Variants in CDH23 observed in about 807,000 individuals in gnomAD.
CDH23 encodes cadherin related 23.
A neutral mutation model predicts 317.1 loss-of-function variants in CDH23; 189 were observed. The observed-to-expected ratio is 0.60, with a 90% CI of 0.53 to 0.67. CDH23 has a LOEUF of 0.67. Among genes scored for constraint, CDH23 ranks in the 30% least tolerant of loss-of-function variants. The pLI is 0.00. For missense variants in CDH23, 4,401 were observed against 4,592.4 expected, an observed-to-expected ratio of 0.96 and a Z score of 1.20; for synonymous variants, 1,839 against 1,876.8, an observed-to-expected ratio of 0.98 and a Z score of 0.52.
chr10:71,601,688 T>C (rs1860227429), intron 9 of CDH23, among the ~76,000 whole-genome samples: 1 of 152,232 alleles, frequency 6.6e-6, no homozygotes, highest in African/African-American at 2.4e-5. Flanking sequence ...CCCCGTCATC[T>C]GCTTCAGCCA....
Position 71,510,345 on chromosome 10 carries a change from G to A in CDH23, c.288+121G>A, listed in dbSNP as rs188438304. 3.8e-4 allele frequency: 420 copies of A among 1,094,734 alleles called. 3 individuals are homozygous for A. The East Asian group carries it at 7.2e-3, about 19-fold the overall frequency. The allele number at this position is 1,094,734 out of a possible 1,614,324, so 67.8% of individuals were successfully genotyped here. ...AAGACCCCATTCTGACTCCACAGTG[G>A]CATCTTCCTGCCTGAATGGTATTCC... On this transcript the variant is annotated intron_variant, in intron 4 of 69. Coordinates refer to ENST00000224721, the MANE Select transcript of CDH23 (RefSeq NM_022124.6).
intron 9 of CDH23, among the ~76,000 whole-genome samples, chr10:71,579,517 C>T (rs946846805): frequency 1.3e-5 from 2 of 152,170 alleles, no homozygotes; most frequent in Admixed American, 6.5e-5. Context: ...GCCCAAGAAT[C>T]TCCCGGGGCT....
chr10:71,682,626 C>T (rs1864703006), intron 18 of CDH23, 54 bp downstream of exon 18: 5 of 1,598,550 alleles, frequency 3.1e-6, no homozygotes, highest in Non-Finnish European at 4.3e-6. Context: ...ATGGTGAGTG[C>T]TTCCTGTGAA....
intron 2 of CDH23, among the ~76,000 whole-genome samples, chr10:71,441,053 C>T (rs1372526011): frequency 1.3e-5 from 2 of 152,110 alleles, no homozygotes; most frequent in Non-Finnish European, 2.9e-5. Context: ...CACTCCCATC[C>T]AGGCAGCCCA....
chr10:71,615,330 C>T (rs1351853490), intron 9 of CDH23, among the ~76,000 whole-genome samples, 174 bp from the exon 10 acceptor site: 1 of 152,204 alleles, frequency 6.6e-6, no homozygotes, highest in Non-Finnish European at 1.5e-5. Flanking sequence ...GCCGGCTGCT[C>T]CATGGACTCC....
chr10:71,519,640 CCT>C (rs1022650961), intron 6 of CDH23, among the ~76,000 whole-genome samples: 1 of 152,220 alleles, frequency 6.6e-6, no homozygotes, highest in African/African-American at 2.4e-5. Flanking sequence ...AAGGTGTTAG[CCT>C]CTCTGAGCCT....
intron 8 of CDH23, among the ~76,000 whole-genome samples, chr10:71,575,686 G>T (rs1285795349): frequency 1.3e-5 from 2 of 152,236 alleles, no homozygotes; most frequent in Non-Finnish European, 2.9e-5. Flanking sequence ...GAGAAGCACA[G>T]CAGGCAGCGT....
At chr10:71,480,551 T>G (rs1360558852) in intron 3 of CDH23, among the ~76,000 whole-genome samples, 1 of 152,128 alleles carries the variant, frequency 6.6e-6, no homozygotes, top group African/African-American at 2.4e-5. Context: ...AGGGACAACT[T>G]GGATGTGAGG....
intron 38 of CDH23, chr10:71,761,889 G>A (rs370678491): frequency 9.9e-6 from 16 of 1,613,972 alleles, no homozygotes; most frequent in Admixed American, 3.3e-5. Context: ...CTCGAGCTGC[G>A]GTACCACGTC....
chr10:71,445,581 G>A (rs903441751), intron 2 of CDH23, among the ~76,000 whole-genome samples: 1 of 152,242 alleles, frequency 6.6e-6, no homozygotes, highest in Non-Finnish European at 1.5e-5. Context: ...GCTCACGCCT[G>A]TAATCTCAGC....
intron 6 of CDH23, among the ~76,000 whole-genome samples, chr10:71,525,594 T>A (rs569277700): frequency 6.6e-6 from 1 of 151,792 alleles, no homozygotes; most frequent in African/African-American, 2.4e-5. Context: ...AGTGGTAGAG[T>A]CCAGGAACCC....
chr10:71,601,455 C>T (rs1860211605), intron 9 of CDH23, among the ~76,000 whole-genome samples: 1 of 152,286 alleles, frequency 6.6e-6, no homozygotes, highest in East Asian at 1.9e-4. Flanking sequence ...AACGCAAGCC[C>T]AGAGAGGGTA....
chr10:71,468,040 G>A (rs750000214), intron 3 of CDH23, among the ~76,000 whole-genome samples: 14 of 152,080 alleles, frequency 9.2e-5, no homozygotes, highest in Admixed American at 2.6e-4. Context: ...GAGGAATTGC[G>A]GGCGAAACAA....
chr10:71,671,255 A>G (rs1042660905), intron 14 of CDH23, among the ~76,000 whole-genome samples: 14 of 152,142 alleles, frequency 9.2e-5, no homozygotes, highest in African/African-American at 3.1e-4. Flanking sequence ...GTGAGCCACC[A>G]TGCCTGGCCT....
chr10:71,738,871 G>A (rs965404313), intron 35 of CDH23, among the ~76,000 whole-genome samples: 4 of 152,262 alleles, frequency 2.6e-5, no homozygotes, highest in African/African-American at 9.6e-5. Flanking sequence ...GGAGCCCGAA[G>A]GCCAGCCAAG....
At chr10:71,539,218 C>T (rs985760363) in intron 6 of CDH23, among the ~76,000 whole-genome samples, 1 of 152,292 alleles carries the variant, frequency 6.6e-6, no homozygotes, top group South Asian at 2.1e-4. Flanking sequence ...CCCTGGGAAC[C>T]CCAGCCAGGA....
rs373457993 is a variant in CDH23 at position 71,790,295 on chromosome 10, T to C, written c.5931T>C (p.Pro1977=). The change falls in exon 46 of 70, where the codon CCT becomes CCC. Residue 1977 remains proline, a synonymous_variant. Coordinates refer to ENST00000224721, the MANE Select transcript of CDH23 (RefSeq NM_022124.6). ...CCTCTCCTTCTGGCCCAGGCACCCC[T>C]CTCACGGTGCTCAATGGGCCCATCC... ...EVMENSPAGT[P]LTVLNGPILA... The C allele has an allele frequency of 2.9e-4, 474 of 1,613,660 alleles. 3 individuals carry two copies. The highest frequency in any genetic ancestry group is 7.8e-4 in the Admixed American group (47 of 60,002).
In CDH23 at chr10:71,812,579, C is replaced by T. The variant is rs2133007211; in HGVS notation, c.9480C>T (p.Ala3160=). The T allele has an allele frequency of 3.1e-6, 5 of 1,613,960 alleles. No individual in the cohort carries two copies. Among genetic ancestry groups the T allele is most frequent in the South Asian group, 2.2e-5 (2 of 91,090 alleles). The change falls in exon 67 of 70, where the codon GCC becomes GCT. Residue 3160 remains alanine (A), a synonymous_variant. Transcript: ENST00000224721. ...DDLPENLSEI[A]DLWNSPTRTH... The stretch of plus-strand genomic sequence containing the variant: ...TACCGGAGAACCTGAGTGAGATCGC[C>T]GACCTGTGGAACAGCCCCACGCGCA...
At chr10:71,709,308 GC>G in intron 27 of CDH23, 97 bp downstream of exon 27, 2 of 1,061,010 alleles carry the variant, frequency 1.9e-6, no homozygotes, top group South Asian at 1.5e-5. Flanking sequence ...GCTGAACTCT[GC>G]CCAGATGCCA....
Sources: allele counts gnomAD v4.1 joint callset (sites outside exome capture counted in the v4.1 genomes callset), GRCh38; gene constraint gnomAD v4.1.1; transcripts MANE v1.5; gene names NCBI Gene and HGNC (gene_info 2026-07-23, HGNC 2026-07-21).